Variants in XKR4 observed in about 807,000 individuals in gnomAD.
XKR4 encodes XK related 4.
A neutral mutation model predicts 53.9 loss-of-function variants in XKR4; 12 were observed. The ratio of observed to expected loss-of-function variants is 0.22; its 90% CI spans 0.14 to 0.36. XKR4 has a LOEUF of 0.36. XKR4 is among the 10% of genes least tolerant of loss of function. XKR4 has a pLI of 1.00. For synonymous variants in XKR4, 354 were observed against 362.4 expected (o/e 0.98, Z 0.26); for missense variants, 799 against 859.5 (o/e 0.93, Z 0.88).
At chr8:55,451,097 C>G in intron 2 of XKR4, 1 of 518,018 alleles carries the variant, frequency 1.9e-6, no homozygotes, top group Non-Finnish European at 3.5e-6. Flanking sequence ...CATTCTTGAG[C>G]TGGCCTTTGT....
chr8:55,524,099 A>C lies in XKR4; in HGVS notation c.1825A>C (p.Arg609=), dbSNP rs1325632007. The change falls in exon 3 of 3, where the codon AGA becomes CGA. Residue 609 remains arginine (R), a synonymous_variant. Transcript: ENST00000327381. Reference sequence around the variant, plus strand: ...CAGGAATAGGTACCCAGCATGGGAGAGACATGTTTTGGACCGAAGCCTCCG... The same window carrying C: ...CAGGAATAGGTACCCAGCATGGGAGCGACATGTTTTGGACCGAAGCCTCCG... The part of the protein sequence containing the change: ...LFRNRYPAWE[R]HVLDRSLRKA... The C allele has an allele frequency of 6.2e-7, 1 of 1,614,206 alleles. No individual in the cohort carries two copies. The highest frequency in any genetic ancestry group is 8.5e-7 in the Non-Finnish European group (1 of 1,180,034).
chr8:55,376,368 C>T (rs1171126100), intron 2 of XKR4, among the ~76,000 whole-genome samples: 1 of 152,208 alleles, frequency 6.6e-6, no homozygotes, highest in African/African-American at 2.4e-5. Flanking sequence ...ATTCCTATTT[C>T]TCTGCAACCT....
intron 1 of XKR4, among the ~76,000 whole-genome samples, chr8:55,112,405 C>T (rs2129351083): frequency 6.6e-6 from 1 of 152,184 alleles, no homozygotes; most frequent in African/African-American, 2.4e-5. Context: ...GACTTCCCCT[C>T]AAGTCCATTC....
At position 55,321,994 on chromosome 8, in the gene XKR4, CAA is replaced by C. The variant is rs1803223548; in HGVS notation, c.807-35682_807-35681del. Among the ~76,000 whole-genome samples the C allele has an allele frequency of 0.045, 13 of 292 alleles. No homozygotes were observed. In the South Asian group the frequency reaches 0.46, roughly 10 times the overall value. 0.2% of individuals were successfully genotyped at this position (292 alleles called of 152,430 possible). A position where few individuals can be genotyped will look rare whatever the true frequency, so the allele number is the denominator to read the frequency against. On this transcript the variant is annotated intron_variant, in intron 1 of 2. Transcript: ENST00000327381. ...CAGAGCGAGACTCCATCTCGAAAAA[CAA>C]ACAAACAAACAAACAAAAAATAACT...
At chr8:55,143,392 A>T (rs1484776287) in intron 1 of XKR4, among the ~76,000 whole-genome samples, 1 of 152,208 alleles carries the variant, frequency 6.6e-6, no homozygotes. Flanking sequence ...CTCACATCTG[A>T]TAAAATTTTG....
chr8:55,209,849 C>A (rs916292610), intron 1 of XKR4, among the ~76,000 whole-genome samples: 2 of 152,320 alleles, frequency 1.3e-5, no homozygotes, highest in African/African-American at 4.8e-5. Context: ...AATGGACAGA[C>A]CAGTATGAGA....
At chr8:55,485,415 T>C (rs111621862) in intron 2 of XKR4, among the ~76,000 whole-genome samples, 1 of 152,314 alleles carries the variant, frequency 6.6e-6, no homozygotes, top group African/African-American at 2.4e-5. Context: ...AGCAAGCTCA[T>C]AGAATATAAG....
intron 1 of XKR4, among the ~76,000 whole-genome samples, chr8:55,196,562 C>G (rs1817510108): frequency 6.6e-6 from 1 of 152,142 alleles, no homozygotes. Flanking sequence ...GCATTATTAT[C>G]TAACAAACTA....
At chr8:55,423,413 TAGTAGCC>T (rs1431815185) in intron 2 of XKR4, among the ~76,000 whole-genome samples, 1 of 152,222 alleles carries the variant, frequency 6.6e-6, no homozygotes, top group African/African-American at 2.4e-5. Flanking sequence ...TTTTTAAAAA[TAGTAGCC>T]AGTTAAGTCA....
At chr8:55,328,695 G>C (rs138845788) in intron 1 of XKR4, among the ~76,000 whole-genome samples, 1 of 152,122 alleles carries the variant, frequency 6.6e-6, no homozygotes, top group Admixed American at 6.5e-5. Context: ...TGATGCCACC[G>C]CATGACCTTT....
intron 2 of XKR4, among the ~76,000 whole-genome samples, chr8:55,520,634 G>A (rs1232667409): frequency 2.6e-5 from 4 of 152,212 alleles, no homozygotes; most frequent in African/African-American, 7.2e-5. Flanking sequence ...CATTGCTAAA[G>A]CAGAGAATTC....
rs954846500 is a variant in XKR4 at position 55,532,148 on chromosome 8, G to T, written c.*7921G>T. On this transcript the variant is annotated 3_prime_UTR_variant, in exon 3 of 3. Transcript: ENST00000327381. ...CTAAGGAGTAGAAGAAAAGAGAGAA[G>T]AAAGTATATTAACTTTTATGAGTAC... 2.0e-5 allele frequency: 3 copies of T among 152,170 alleles called. No individual in the cohort carries two copies. Among genetic ancestry groups the T allele is most frequent in the Non-Finnish European group, 4.4e-5 (3 of 68,030 alleles). 9.4% of individuals were successfully genotyped at this position (152,170 alleles called of 1,614,324 possible).
intron 1 of XKR4, among the ~76,000 whole-genome samples, chr8:55,132,445 A>T (rs952972938): frequency 5.3e-5 from 8 of 152,212 alleles, no homozygotes; most frequent in African/African-American, 1.9e-4. Flanking sequence ...AGCCACTGTA[A>T]GAGATTAACA....
chr8:55,494,698 T>C (rs968426596), intron 2 of XKR4, among the ~76,000 whole-genome samples: 7 of 152,132 alleles, frequency 4.6e-5, no homozygotes, highest in Admixed American at 2.0e-4. Context: ...AGAGTGCCGC[T>C]CCTCTCTATA....
intron 1 of XKR4, among the ~76,000 whole-genome samples, chr8:55,196,485 T>C (rs976341501): frequency 2.0e-5 from 3 of 152,162 alleles, no homozygotes; most frequent in African/African-American, 7.2e-5. Flanking sequence ...ACCTGGCCTG[T>C]TGTACTTTCA....
chr8:55,391,722 AAAAC>A (rs1804445462), intron 2 of XKR4, among the ~76,000 whole-genome samples: 1 of 152,198 alleles, frequency 6.6e-6, no homozygotes, highest in South Asian at 2.1e-4. Flanking sequence ...CAAAACATAA[AAAAC>A]AAAATATAAC....
At chr8:55,247,734 C>G (rs1170802736) in intron 1 of XKR4, among the ~76,000 whole-genome samples, 2 of 152,148 alleles carry the variant, frequency 1.3e-5, no homozygotes, top group Non-Finnish European at 2.9e-5. Flanking sequence ...CAATTACAAT[C>G]ACAGTGCTTT....
chr8:55,257,832 C>G (rs918178759), intron 1 of XKR4, among the ~76,000 whole-genome samples: 2 of 152,214 alleles, frequency 1.3e-5, no homozygotes, highest in African/African-American at 4.8e-5. Context: ...ATGAGCCCCT[C>G]CAACATCTAA....
At chr8:55,512,403 C>T (rs2658933) in intron 2 of XKR4, among the ~76,000 whole-genome samples, 85,768 of 152,018 alleles carry the variant, frequency 0.56, 26,653 homozygotes, top group South Asian at 0.71. Context: ...GCCAGCCCTC[C>T]TCAGCCCTGC....
Sources: gnomAD v4.1 joint callset for allele counts (sites outside exome capture counted in the v4.1 genomes callset) on GRCh38, gnomAD v4.1.1 for gene constraint, MANE v1.5 for transcripts, NCBI Gene and HGNC (gene_info 2026-07-23, HGNC 2026-07-21) for gene names.